Variants in TAF4 observed in about 807,000 individuals in gnomAD.
TAF4 encodes transcription initiation factor TFIID subunit 4.
TAF4 carries 9 observed loss-of-function variants against 90.3 expected under a neutral mutation model. The ratio of observed to expected loss-of-function variants is 0.10; its 90% CI spans 0.06 to 0.17. The LOEUF is 0.17. Ranked by LOEUF, TAF4 falls within the 10% of genes least tolerant of loss-of-function variation. The pLI is 1.00. For synonymous variants in TAF4, 818 were observed against 638.9 expected (o/e 1.28, Z -4.23); for missense variants, 1,351 against 1,370.7 (o/e 0.99, Z 0.23).
intron 1 of TAF4, among the ~76,000 whole-genome samples, chr20:62,061,537 A>G (rs2056088687): frequency 6.6e-6 from 1 of 152,240 alleles, no homozygotes; most frequent in African/African-American, 2.4e-5. Flanking sequence ...TTGCCAGGCC[A>G]AAAGATAACC....
chr20:62,064,634 C>A lies in TAF4; in HGVS notation c.1177G>T (p.Ala393Ser), dbSNP rs1419378874. Residue 393 changes from alanine to serine, a missense_variant, in exon 1 of 15, where the codon GCC (alanine) becomes TCC (serine). Physicochemically the swap from Ala to Ser is moderately conservative, Grantham distance 99. Coordinates refer to ENST00000252996, the MANE Select transcript of TAF4 (RefSeq NM_003185.4). ...LPSPAAVPPPAPGTPTGLPKG... is the reference protein window; with the variant it reads ...LPSPAAVPPPSPGTPTGLPKG... ...GGCAGCCCGGTGGGGGTCCCGGGGG[C>A]GGGCGGCGGGACGGCGGCCGGGCTG... 2 of 1,344,888 alleles carry A rather than the reference C, an allele frequency of 1.5e-6. No homozygotes were observed. Among genetic ancestry groups the A allele is most frequent in the South Asian group, 1.8e-5 (1 of 54,828 alleles). The allele number at this position is 1,344,888 out of a possible 1,614,324, so 83.3% of individuals were successfully genotyped here. A position where few individuals can be genotyped will look rare whatever the true frequency, so the allele number is the denominator to read the frequency against.
Position 62,004,328 on chromosome 20 carries a change from CTTTTTTTT to C in TAF4, c.2224-458_2224-451del, listed in dbSNP as rs60437230. 1.6e-3 allele frequency among the ~76,000 whole-genome samples: 183 copies of C among 117,204 alleles called. 3 individuals carry two copies. The highest frequency in any genetic ancestry group is 3.7e-3 in the Admixed American group (39 of 10,632). The allele number at this position is 117,204 out of a possible 152,430, so 76.9% of individuals were successfully genotyped here. A position where few individuals can be genotyped will look rare whatever the true frequency, so the allele number is the denominator to read the frequency against. ...TGAATTTTCTTTTTTCTTTTCTTTT[CTTTTTTTT>C]TTTTTTTTTGAGACAAGTCTCGCTC... On this transcript the variant is annotated intron_variant, in intron 7 of 14. Coordinates refer to ENST00000252996, the MANE Select transcript of TAF4 (RefSeq NM_003185.4).
At chr20:62,038,996 T>A (rs1314205326) in intron 1 of TAF4, among the ~76,000 whole-genome samples, 2 of 152,180 alleles carry the variant, frequency 1.3e-5, no homozygotes, top group Non-Finnish European at 2.9e-5. Flanking sequence ...GAGCTTGCAG[T>A]GAGCCAAGAT....
At chr20:62,035,892 C>T (rs2055929546) in intron 1 of TAF4, among the ~76,000 whole-genome samples, 1 of 151,944 alleles carries the variant, frequency 6.6e-6, no homozygotes, top group South Asian at 2.1e-4. Context: ...GGCAAAAAGA[C>T]ACAAACAGAC....
chr20:62,026,105 C>T (rs2055985121), intron 1 of TAF4, among the ~76,000 whole-genome samples: 2 of 152,182 alleles, frequency 1.3e-5, no homozygotes, highest in African/African-American at 4.8e-5. Context: ...TAATCCTCTT[C>T]CTCCCAACGT....
intron 14 of TAF4, among the ~76,000 whole-genome samples, chr20:61,982,562 C>A (rs1203803173): frequency 6.7e-6 from 1 of 149,970 alleles, no homozygotes; most frequent in Non-Finnish European, 1.5e-5. Context: ...CACACCCCAC[C>A]CGAGAGGAGA....
chr20:62,011,118 C>T (rs1017255979), intron 3 of TAF4, among the ~76,000 whole-genome samples: 1 of 152,088 alleles, frequency 6.6e-6, no homozygotes, highest in African/African-American at 2.4e-5. Flanking sequence ...CAGAGGGGTG[C>T]GGATGGGCTG....
intron 14 of TAF4, among the ~76,000 whole-genome samples, chr20:61,993,423 G>A (rs540521292): frequency 2.6e-5 from 4 of 152,196 alleles, no homozygotes; most frequent in Non-Finnish European, 4.4e-5. Context: ...CCTGACGCAG[G>A]ACACACCCCA....
At chr20:62,018,497 C>G (rs1177179887) in intron 1 of TAF4, among the ~76,000 whole-genome samples, 1 of 152,246 alleles carries the variant, frequency 6.6e-6, no homozygotes, top group African/African-American at 2.4e-5. Flanking sequence ...CTACGAAAGG[C>G]AGCCGCCCCT....
chr20:62,064,869 G>A lies in TAF4; in HGVS notation c.942C>T (p.Ala314=). The A allele has an allele frequency of 1.1e-6, 1 of 937,100 alleles. No homozygotes were observed. Among genetic ancestry groups the A allele is most frequent in the South Asian group, 4.8e-5 (1 of 20,684 alleles). 58.0% of individuals were successfully genotyped at this position (937,100 alleles called of 1,614,324 possible). The change falls in exon 1 of 15, where the codon GCC becomes GCT. Residue 314 remains alanine (A), a synonymous_variant. Transcript: ENST00000252996. ...QNGGSAGAAP[A]PAPAAGGPAG... ...CGGGGCCCCCGGCGGCCGGGGCGGG[G>A]GCGGGGGCTGCCCCGGCGCTGCCCC... is the stretch of plus-strand genomic sequence containing the variant.
chr20:61,996,459 A>T (rs1428124033), intron 14 of TAF4, among the ~76,000 whole-genome samples: 1 of 152,200 alleles, frequency 6.6e-6, no homozygotes, highest in Non-Finnish European at 1.5e-5. Context: ...TTCGCAAGAA[A>T]GAAAAAATCA....
chr20:62,061,730 G>A (rs2056089782), intron 1 of TAF4, among the ~76,000 whole-genome samples: 1 of 152,172 alleles, frequency 6.6e-6, no homozygotes, highest in Non-Finnish European at 1.5e-5. Context: ...TGGGACAACT[G>A]TGTCATCTGC....
chr20:62,003,583 A>G (rs2055722216), intron 8 of TAF4, 148 bp downstream of exon 8: 2 of 891,800 alleles, frequency 2.2e-6, no homozygotes, highest in South Asian at 1.8e-5. Context: ...ACAACACAGT[A>G]AATGAAATCA....
rs374663442 is a variant in TAF4, at chr20:62,006,459, G to A, written c.2223+51C>T. ...GGCCAATTTATCTAAGAAGCGGGCG[G>A]GAGCAGAGGCACGGTGGGCTGTGCA... On this transcript the variant is annotated intron_variant, in intron 7 of 14. Transcript: ENST00000252996. The surrounding 1 kb of genome is among the most constrained non-coding windows in gnomAD (Gnocchi z 7.0). 5.9e-5 allele frequency: 80 copies of A among 1,366,584 alleles called. No homozygotes were observed. The African/African-American group carries it at 1.0e-3, about 18-fold the overall frequency. 84.7% of individuals were successfully genotyped at this position (1,366,584 alleles called of 1,614,324 possible). A position where few individuals can be genotyped will look rare whatever the true frequency, so the allele number is the denominator to read the frequency against.
chr20:62,007,247 T>C (rs543986548), intron 6 of TAF4, among the ~76,000 whole-genome samples: 2 of 152,302 alleles, frequency 1.3e-5, no homozygotes, highest in South Asian at 2.1e-4. Flanking sequence ...CTTGGTCCTA[T>C]CCAGTTTTGC....
At chr20:62,022,279 G>T (rs761179743) in intron 1 of TAF4, among the ~76,000 whole-genome samples, 17 of 152,168 alleles carry the variant, frequency 1.1e-4, no homozygotes, top group African/African-American at 3.6e-4. Context: ...GGAGAGGTGG[G>T]AAGGGTCAGG....
At chr20:62,013,992 G>A (rs1181730659) in intron 2 of TAF4, among the ~76,000 whole-genome samples, 3 of 146,028 alleles carry the variant, frequency 2.1e-5, no homozygotes, top group Non-Finnish European at 3.0e-5. Flanking sequence ...CGGGAGCTTC[G>A]GCCCTGAAGG....
At chr20:62,062,573 G>C (rs1220095165) in intron 1 of TAF4, among the ~76,000 whole-genome samples, 1 of 152,184 alleles carries the variant, frequency 6.6e-6, no homozygotes, top group Non-Finnish European at 1.5e-5. Flanking sequence ...AAACGTCTGT[G>C]TGAGCTGTTC....
chr20:62,064,789 C>T lies in TAF4; in HGVS notation c.1022G>A (p.Gly341Glu), dbSNP rs1241167473. ...PGAAAAAPAP[G>E]VKAESPKRVV... ...CCTCTTGGGCGACTCGGCCTTGACC[C>T]CCGGCGCCGGCGCCGCAGCCGCCGC... The change falls in exon 1 of 15, where the codon GGG (glycine) becomes GAG (glutamate). Residue 341 changes from glycine to glutamate, a missense_variant. Around this residue, in one of 9 missense-constraint regions of TAF4, gnomAD observed 782 missense variants for 536.6 expected, o/e 1.46. Coordinates refer to ENST00000252996, the MANE Select transcript of TAF4 (RefSeq NM_003185.4). The T allele has an allele frequency of 9.5e-7, 1 of 1,055,342 alleles. No individual in the cohort carries two copies. Among genetic ancestry groups the T allele is most frequent in the Non-Finnish European group, 1.1e-6 (1 of 876,676 alleles). The allele number at this position is 1,055,342 out of a possible 1,614,324, so 65.4% of individuals were successfully genotyped here. A position where few individuals can be genotyped will look rare whatever the true frequency, so the allele number is the denominator to read the frequency against.
Sources: gnomAD v4.1 joint callset for allele counts (sites outside exome capture counted in the v4.1 genomes callset) on GRCh38, gnomAD v4.1.1 for gene constraint, gnomAD v4.1.1 regional missense constraint, Gnocchi (gnomAD v3.1) non-coding constraint, MANE v1.5 for transcripts, NCBI Gene and HGNC (gene_info 2026-07-23, HGNC 2026-07-21) for gene names.